The following CLCN6 variants were observed in gnomAD, a reference collection of about 807,000 sequenced individuals.
The protein encoded by CLCN6 is Cl-/H+ antiporter 6, also known as H(+)/Cl(-) exchange transporter 6.
In CLCN6, 70 loss-of-function variants were observed where a neutral mutation model predicts 109.8. That is an observed-to-expected ratio of 0.64 (90% CI 0.53 to 0.78). The LOEUF (loss-of-function observed/expected upper bound fraction) is 0.78, where lower values mean the gene tolerates loss of function less well. Among genes scored for constraint, CLCN6 ranks in the 30% least tolerant of loss-of-function variants. The pLI, the probability that CLCN6 is intolerant of heterozygous loss-of-function variation, is 0.00. For missense variants in CLCN6, 984 were observed against 1,142.3 expected (o/e 0.86, Z 2.00); for synonymous variants, 444 against 447.8 (o/e 0.99, Z 0.11).
At chr1:11,811,384 A>ATTT (rs112220577) in intron 2 of CLCN6, among the ~76,000 whole-genome samples, 30 of 144,172 alleles carry the variant, frequency 2.1e-4, no homozygotes, top group African/African-American at 3.3e-4. Context: ...CCTACAGTCA[A>ATTT]TTTTTTTTTT....
At chr1:11,831,262 T>G (rs552689299) in intron 13 of CLCN6, among the ~76,000 whole-genome samples, 2 of 152,048 alleles carry the variant, frequency 1.3e-5, no homozygotes, top group East Asian at 3.9e-4. Flanking sequence ...GTTCAAGCGA[T>G]TCTCCTGCCT....
intron 17 of CLCN6, among the ~76,000 whole-genome samples, chr1:11,835,096 T>C (rs1460403001): frequency 6.6e-6 from 1 of 152,206 alleles, no homozygotes; most frequent in Non-Finnish European, 1.5e-5. Flanking sequence ...AAGCCGTTTC[T>C]GTGGAGGGCC....
rs1644789543 is a variant in CLCN6, at chr1:11,824,663, A to G, written c.648+110A>G. On this transcript the variant is annotated intron_variant, in intron 8 of 22. Transcript: ENST00000346436. ...TGACATCACATTGGAACCTGGTGCCATTCTGGCTTCACGTGTAAACCATGT... is the reference window on the plus strand; with the variant it reads ...TGACATCACATTGGAACCTGGTGCCGTTCTGGCTTCACGTGTAAACCATGT... 5.2e-6 allele frequency: 4 copies of G among 767,450 alleles called. No homozygotes were observed. In the Admixed American group the frequency reaches 8.8e-5, roughly 17 times the overall value. 47.5% of individuals were successfully genotyped at this position (767,450 alleles called of 1,614,324 possible).
chr1:11,841,270 C>T lies in CLCN6; in HGVS notation c.*1047C>T, dbSNP rs1645019102. 6.6e-6 allele frequency: 1 copy of T among 152,660 alleles called. No individual in the cohort carries two copies. Among genetic ancestry groups the T allele is most frequent in the South Asian group, 2.1e-4 (1 of 4,834 alleles). 9.5% of individuals were successfully genotyped at this position (152,660 alleles called of 1,614,324 possible). ...AGAGGGTGTCTGCCCTTCACAAACA[C>T]CTCTCTCTCCCCTGCACTAGCTGTC... On this transcript the variant is annotated 3_prime_UTR_variant, in exon 23 of 23. Transcript: ENST00000346436.
intron 5 of CLCN6, 113 bp from the exon 6 acceptor site, chr1:11,822,582 A>G (rs1411824428): frequency 2.3e-5 from 15 of 641,180 alleles, no homozygotes; most frequent in Non-Finnish European, 1.7e-5. Flanking sequence ...ATATAGAGAA[A>G]AAGTGCACTC....
At chr1:11,815,140 A>G (rs1487409035) in intron 2 of CLCN6, among the ~76,000 whole-genome samples, 1 of 152,184 alleles carries the variant, frequency 6.6e-6, no homozygotes, top group Non-Finnish European at 1.5e-5. Context: ...AGATAATTAT[A>G]ACTAATTGAC....
chr1:11,806,797 T>C (rs1570508349), intron 1 of CLCN6: 5 of 377,722 alleles, frequency 1.3e-5, no homozygotes, highest in South Asian at 1.3e-4. Context: ...GTTCCCAGAG[T>C]TGACAAGTCC....
At chr1:11,828,035 G>T (rs973366159) in intron 10 of CLCN6, 71 bp from the exon 11 acceptor site, 2 of 1,131,710 alleles carry the variant, frequency 1.8e-6, no homozygotes, top group African/African-American at 3.1e-5. Flanking sequence ...GTGGGTACCA[G>T]GAGGAAGGGT....
rs1218399397 is a variant in CLCN6, at chr1:11,842,072, C to G, written c.*1849C>G. 6.6e-6 allele frequency: 1 copy of G among 152,198 alleles called. No individual in the cohort carries two copies. Among genetic ancestry groups the G allele is most frequent in the Admixed American group, 6.5e-5 (1 of 15,278 alleles). The allele number at this position is 152,198 out of a possible 1,614,324, so 9.4% of individuals were successfully genotyped here. The stretch of plus-strand genomic sequence containing the variant: ...TTCTTCCTTTTATTAAGAAGGAAGC[C>G]AATTGTCCAAGTCAGGAGAATGGTG... On this transcript the variant is annotated 3_prime_UTR_variant, in exon 23 of 23. Transcript: ENST00000346436.
chr1:11,826,304 T>C, intron 9 of CLCN6, 90 bp downstream of exon 9: 1 of 1,123,184 alleles, frequency 8.9e-7, no homozygotes, highest in Non-Finnish European at 1.4e-6. Context: ...AGCCTGGCAG[T>C]ATCCCCTGCG....
chr1:11,834,086 G>T lies in CLCN6; in HGVS notation c.1526+56G>T, dbSNP rs772449944. 6.9e-6 allele frequency: 11 copies of T among 1,600,366 alleles called. No individual in the cohort carries two copies. The highest frequency in any genetic ancestry group is 8.5e-6 in the Non-Finnish European group (10 of 1,173,490). On this transcript the variant is annotated intron_variant, in intron 15 of 22. Coordinates refer to ENST00000346436, the MANE Select transcript of CLCN6 (RefSeq NM_001286.5). This position sits in a 1 kb window ranked among gnomAD's most constrained non-coding sequence, Gnocchi z 4.5. ...TGTGCATGTGTGTGCACGTGTGCGTGTGTATGCATGTGTGTGCGTGTGCGT... is the reference window on the plus strand; with the variant it reads ...TGTGCATGTGTGTGCACGTGTGCGTTTGTATGCATGTGTGTGCGTGTGCGT...
chr1:11,812,828 T>A (rs571609365), intron 2 of CLCN6, among the ~76,000 whole-genome samples: 5 of 152,162 alleles, frequency 3.3e-5, no homozygotes, highest in African/African-American at 9.6e-5. Flanking sequence ...TGCCGTTCCC[T>A]TATCTACCTA....
intron 17 of CLCN6, among the ~76,000 whole-genome samples, chr1:11,835,354 C>T (rs907935507): frequency 3.9e-5 from 6 of 152,308 alleles, no homozygotes; most frequent in African/African-American, 1.4e-4. Flanking sequence ...CTCACTGCAA[C>T]CTATGCCTCC....
chr1:11,835,981 A>G lies in CLCN6; in HGVS notation c.1808A>G (p.Asp603Gly). ...TCCTCCCCCAGGCTGAGAGCCAGCG[A>G]CATCATGGAGCCCAACCTGACCTAC... Reference protein sequence around the residue: ...EVEMDKLRASDIMEPNLTYVY... With the variant: ...EVEMDKLRASGIMEPNLTYVY... Residue 603 changes from aspartate (D) to glycine (G), a missense_variant, in exon 18 of 23, where the codon GAC becomes GGC. Transcript: ENST00000346436. 2 of 1,613,440 alleles carry G rather than the reference A, an allele frequency of 1.2e-6. No homozygotes were observed. Among genetic ancestry groups the G allele is most frequent in the Non-Finnish European group, 1.7e-6 (2 of 1,179,832 alleles).
Position 11,834,016 on chromosome 1 carries a change from C to G in CLCN6, c.1512C>G (p.Ala504=), listed in dbSNP as rs1644912786. 5 of 1,613,940 alleles carry G rather than the reference C, an allele frequency of 3.1e-6. No homozygotes were observed. The African/African-American group carries it at 5.3e-5, about 17-fold the overall frequency. The change falls in exon 15 of 23, where the codon GCC becomes GCG. Residue 504 remains alanine, a synonymous_variant. Transcript: ENST00000346436. This position sits in a 1 kb window ranked among gnomAD's most constrained non-coding sequence, Gnocchi z 4.5. ...GAGCTGCTTTTGGACGTTTAGTTGC[C>G]AATGTCCTAAAAAGGTACTCTGTGT... ...LCGAAFGRLV[A]NVLKSYIGLG...
chr1:11,812,380 C>T (rs902297988), intron 2 of CLCN6, among the ~76,000 whole-genome samples: 1 of 152,188 alleles, frequency 6.6e-6, no homozygotes, highest in African/African-American at 2.4e-5. Flanking sequence ...AACCTCCAAA[C>T]GGTTCAGCTG....
At chr1:11,837,814 G>GC (rs1318723211) in intron 20 of CLCN6, among the ~76,000 whole-genome samples, 6 of 152,102 alleles carry the variant, frequency 3.9e-5, no homozygotes, top group African/African-American at 1.4e-4. Context: ...TGTGAACACA[G>GC]CCCCCATCCT....
rs367619869 is a variant in CLCN6, at chr1:11,831,259, C to T, written c.1248+1937C>T. ...GCAAACTCCACCTCCTGGGTTCAAG[C>T]GATTCTCCTGCCTCAGCCTCCCAAG... On this transcript the variant is annotated intron_variant, in intron 13 of 22. Coordinates refer to ENST00000346436, the MANE Select transcript of CLCN6 (RefSeq NM_001286.5). Among the ~76,000 whole-genome samples the T allele has an allele frequency of 5.1e-4, 75 of 148,326 alleles. No homozygotes were observed. In the South Asian group the frequency reaches 6.5e-3, roughly 13 times the overall value.
chr1:11,810,491 C>G (rs1430921448), intron 2 of CLCN6, among the ~76,000 whole-genome samples: 1 of 152,210 alleles, frequency 6.6e-6, no homozygotes, highest in Admixed American at 6.5e-5. Flanking sequence ...GGTGTGAACA[C>G]TAAGATGCCC....
Sources: allele counts gnomAD v4.1 joint callset (sites outside exome capture counted in the v4.1 genomes callset), GRCh38; gene constraint gnomAD v4.1.1; non-coding constraint Gnocchi (gnomAD v3.1); transcripts MANE v1.5; gene names NCBI Gene and HGNC (gene_info 2026-07-23, HGNC 2026-07-21).